The following MTUS2 variants were observed in gnomAD, a reference collection of about 807,000 sequenced individuals.
The protein encoded by MTUS2 is microtubule associated scaffold protein 2, also known as microtubule-associated tumor suppressor candidate 2.
MTUS2 carries 40 observed loss-of-function variants against 114.1 expected under a neutral mutation model. The ratio of observed to expected loss-of-function variants is 0.35; its 90% CI spans 0.27 to 0.46. The LOEUF (loss-of-function observed/expected upper bound fraction) is 0.46. MTUS2 is among the 20% of genes least tolerant of loss of function. The pLI is 1.00. For synonymous variants in MTUS2, 688 were observed against 672.0 expected (o/e 1.02, Z -0.37); for missense variants, 1,679 against 1,705.4 (o/e 0.98, Z 0.27).
rs1348746102 is a variant in MTUS2 at position 29,026,330 on chromosome 13, G to T, written c.1632G>T (p.Met544Ile). 6.2e-7 allele frequency: 1 copy of T among 1,613,848 alleles called. No individual in the cohort carries two copies. Among genetic ancestry groups the T allele is most frequent in the Non-Finnish European group, 8.5e-7 (1 of 1,179,892 alleles). Residue 544 changes from methionine to isoleucine, a missense_variant, in exon 3 of 16, where the codon ATG (methionine) becomes ATT (isoleucine). Met to Ile is a conservative substitution (Grantham distance 10). This residue lies in a region of MTUS2 where 843 missense variants were observed against 770.8 expected (regional missense o/e 1.09). Transcript: ENST00000612955. ...APLHPETTVN[M>I]TYQPTTPSSS... ...TCCACCCAGAGACAACTGTGAACAT[G>T]ACCTACCAGCCTACAACACCCAGTA... is the stretch of plus-strand genomic sequence containing the variant.
At chr13:29,373,049 G>T (rs1479676882) in intron 8 of MTUS2, among the ~76,000 whole-genome samples, 1 of 152,216 alleles carries the variant, frequency 6.6e-6, no homozygotes, top group East Asian at 1.9e-4. Context: ...CTGACTTGAA[G>T]TCAGTTCAGC....
chr13:29,461,296 G>A (rs1002653078), intron 9 of MTUS2, among the ~76,000 whole-genome samples: 2 of 152,162 alleles, frequency 1.3e-5, no homozygotes, highest in African/African-American at 2.4e-5. Flanking sequence ...GGAGGGCAGA[G>A]CCCTCATGAG....
chr13:29,096,686 G>T (rs1890191395), intron 4 of MTUS2, among the ~76,000 whole-genome samples: 1 of 152,154 alleles, frequency 6.6e-6, no homozygotes, highest in African/African-American at 2.4e-5. Context: ...GGAGATCTCT[G>T]TTCTTATGGC....
intron 11 of MTUS2, among the ~76,000 whole-genome samples, chr13:29,490,955 ATGG>A (rs1239621262): frequency 1.3e-5 from 2 of 151,418 alleles, no homozygotes; most frequent in Non-Finnish European, 2.9e-5. Context: ...CTTGGGCAGG[ATGG>A]TGGTATAGCT....
In MTUS2 at chr13:29,100,518, C is replaced by A. The variant is rs142714105; in HGVS notation, c.2447-255C>A. On this transcript the variant is annotated intron_variant, in intron 4 of 15. Coordinates refer to ENST00000612955, the MANE Select transcript of MTUS2 (RefSeq NM_001033602.4). Reference sequence around the variant, plus strand: ...ATAGAGTTATTTGTCTTCCTCAATTCATCTGCCTAAGTAGACGGTAAATTT... The same window carrying A: ...ATAGAGTTATTTGTCTTCCTCAATTAATCTGCCTAAGTAGACGGTAAATTT... Among the ~76,000 whole-genome samples the A allele has an allele frequency of 2.1e-3, 317 of 152,250 alleles. 2 individuals are homozygous for A. Among genetic ancestry groups the A allele is most frequent in the African/African-American group, 7.1e-3 (294 of 41,536 alleles).
intron 5 of MTUS2, among the ~76,000 whole-genome samples, chr13:29,235,613 C>T (rs978922790): frequency 4.6e-5 from 7 of 151,854 alleles, no homozygotes; most frequent in African/African-American, 7.3e-5. Flanking sequence ...GGAATTATCC[C>T]GATTCAGATT....
chr13:29,232,306 G>A (rs55828426), intron 5 of MTUS2, among the ~76,000 whole-genome samples: 553 of 43,028 alleles, frequency 0.013, 4 homozygotes, highest in Non-Finnish European at 0.014. Flanking sequence ...ACGCGCGCGC[G>A]CACACACACA....
chr13:29,216,274 C>T (rs1038029503), intron 5 of MTUS2, among the ~76,000 whole-genome samples: 1 of 152,304 alleles, frequency 6.6e-6, no homozygotes, highest in East Asian at 1.9e-4. Context: ...CTGCTGGCAG[C>T]GAGTATTTCA....
intron 9 of MTUS2, chr13:29,477,021 T>C (rs372117908): frequency 6.6e-6 from 1 of 152,222 alleles, no homozygotes; most frequent in African/African-American, 2.4e-5. Flanking sequence ...AAAGCCACTA[T>C]GAAGCTACTG....
At chr13:29,297,387 T>G (rs1202583306) in intron 6 of MTUS2, among the ~76,000 whole-genome samples, 1 of 152,216 alleles carries the variant, frequency 6.6e-6, no homozygotes, top group Non-Finnish European at 1.5e-5. Flanking sequence ...TGCAGTATTC[T>G]TAGGGCTTTG....
chr13:29,400,762 G>C (rs1278958397), intron 8 of MTUS2, among the ~76,000 whole-genome samples: 1 of 152,206 alleles, frequency 6.6e-6, no homozygotes, highest in African/African-American at 2.4e-5. Context: ...TTGGCAGAGT[G>C]TATATAGGTA....
chr13:29,460,676 G>T (rs9508464), intron 9 of MTUS2, among the ~76,000 whole-genome samples: 49,892 of 151,954 alleles, frequency 0.33, 8,858 homozygotes, highest in Non-Finnish European at 0.4. Flanking sequence ...TGTATCCTCT[G>T]TTCTCAGATG....
chr13:29,148,824 C>A (rs1373705854), intron 5 of MTUS2, among the ~76,000 whole-genome samples: 1 of 151,776 alleles, frequency 6.6e-6, no homozygotes, highest in African/African-American at 2.4e-5. Flanking sequence ...AGGATAATGG[C>A]TTCTAGCTCC....
intron 4 of MTUS2, among the ~76,000 whole-genome samples, chr13:29,099,017 C>G (rs1890297270): frequency 1.3e-5 from 2 of 152,166 alleles, no homozygotes; most frequent in African/African-American, 4.8e-5. Context: ...TTTTCCTGTT[C>G]TACAGACATC....
chr13:29,041,312 A>G (rs537279115), intron 4 of MTUS2, among the ~76,000 whole-genome samples: 11 of 152,118 alleles, frequency 7.2e-5, no homozygotes, highest in South Asian at 4.2e-4. Context: ...CTGTGAGCCT[A>G]TTTTCATACC....
intron 5 of MTUS2, among the ~76,000 whole-genome samples, chr13:29,110,114 T>A (rs1426073184): frequency 6.6e-6 from 1 of 152,264 alleles, no homozygotes; most frequent in African/African-American, 2.4e-5. Context: ...TTCAGCACAT[T>A]ATCATTTTAG....
intron 8 of MTUS2, among the ~76,000 whole-genome samples, chr13:29,365,888 A>T (rs1366465884): frequency 6.6e-6 from 1 of 152,226 alleles, no homozygotes; most frequent in Non-Finnish European, 1.5e-5. Context: ...CACAAGTCAA[A>T]GGAAAGACAA....
At chr13:28,855,537 T>A (rs1285661463) in intron 2 of MTUS2, among the ~76,000 whole-genome samples, 2 of 152,186 alleles carry the variant, frequency 1.3e-5, no homozygotes, top group Non-Finnish European at 2.9e-5. Context: ...TGGTTTTCTG[T>A]TCCTGTGTTA....
intron 4 of MTUS2, among the ~76,000 whole-genome samples, chr13:29,098,423 A>G (rs763367422): frequency 8.3e-4 from 125 of 151,356 alleles, no homozygotes; most frequent in Non-Finnish European, 1.3e-3. Flanking sequence ...AGTTGGGGCA[A>G]GGTATACTTT....
Sources: gnomAD v4.1 joint callset for allele counts (sites outside exome capture counted in the v4.1 genomes callset) on GRCh38, gnomAD v4.1.1 for gene constraint, gnomAD v4.1.1 regional missense constraint, MANE v1.5 for transcripts, NCBI Gene and HGNC (gene_info 2026-07-23, HGNC 2026-07-21) for gene names.